Variants in SH3GL2 observed in about 807,000 individuals in gnomAD.
SH3GL2 encodes the protein SH3 domain containing GRB2 like 2, endophilin A1.
Under a neutral mutation model 46.0 loss-of-function variants are expected in SH3GL2, and 24 were observed. The observed-to-expected ratio is 0.52, with a 90% CI of 0.38 to 0.73. The LOEUF is 0.73. Among genes scored for constraint, SH3GL2 ranks in the 30% least tolerant of loss-of-function variants. The pLI is 0.00. For synonymous variants in SH3GL2, 196 were observed against 147.1 expected, an observed-to-expected ratio of 1.33 and a Z score of -2.40; for missense variants, 413 against 424.2, an observed-to-expected ratio of 0.97 and a Z score of 0.23.
At chr9:17,609,898 C>T (rs1458015476) in intron 1 of SH3GL2, among the ~76,000 whole-genome samples, 5 of 152,184 alleles carry the variant, frequency 3.3e-5, no homozygotes, top group Non-Finnish European at 7.3e-5. Context: ...CTCTCATAAT[C>T]ATTTTGCCAC....
intron 1 of SH3GL2, among the ~76,000 whole-genome samples, chr9:17,633,008 A>G (rs1819466611): frequency 6.6e-6 from 1 of 152,224 alleles, no homozygotes; most frequent in Admixed American, 6.5e-5. Flanking sequence ...GCCAGTATTA[A>G]TGAACTATCA....
chr9:17,738,641 T>TATAGAGAGAGAGAGAGAG (rs376280314), intron 1 of SH3GL2, among the ~76,000 whole-genome samples: 21 of 88,876 alleles, frequency 2.4e-4, no homozygotes, highest in Non-Finnish European at 4.0e-4. Context: ...TATATATATA[T>TATAGAGAGAGAGAGAGAG]AGAGAGAGAG....
intron 1 of SH3GL2, among the ~76,000 whole-genome samples, chr9:17,637,454 G>A (rs1819566865): frequency 6.6e-6 from 1 of 152,166 alleles, no homozygotes; most frequent in Admixed American, 6.5e-5. Flanking sequence ...TTTTATGTCT[G>A]TGTTCTTTAC....
At chr9:17,603,751 T>G (rs1310945467) in intron 1 of SH3GL2, among the ~76,000 whole-genome samples, 1 of 151,992 alleles carries the variant, frequency 6.6e-6, no homozygotes, top group African/African-American at 2.4e-5. Flanking sequence ...TCCCAGCTAC[T>G]CGGGAGGCTG....
chr9:17,611,085 CAG>C (rs1360755339), intron 1 of SH3GL2, among the ~76,000 whole-genome samples: 1 of 152,120 alleles, frequency 6.6e-6, no homozygotes, highest in Non-Finnish European at 1.5e-5. Flanking sequence ...TGTTTCATGA[CAG>C]ATGTAAAGAA....
chr9:17,670,149 T>G (rs777269545), intron 1 of SH3GL2, among the ~76,000 whole-genome samples: 9 of 152,250 alleles, frequency 5.9e-5, no homozygotes, highest in Non-Finnish European at 1.2e-4. Context: ...TCTTTCTTAC[T>G]GTGCATGTGC....
Position 17,671,381 on chromosome 9 carries a change from G to A in SH3GL2, c.46-75685G>A, listed in dbSNP as rs1456428433. On this transcript the variant is annotated intron_variant, in intron 1 of 8. Transcript: ENST00000380607. ...CAGAAAGTTACTGGAGATTAGGAAG[G>A]GTAGTGTGTGGCAGGGTGAGGGGAA... Among the ~76,000 whole-genome samples the A allele has an allele frequency of 2.0e-5, 3 of 152,048 alleles. No homozygotes were observed. In the South Asian group the frequency reaches 6.2e-4, roughly 32 times the overall value.
intron 1 of SH3GL2, among the ~76,000 whole-genome samples, chr9:17,640,603 G>A (rs1217736866): frequency 6.6e-6 from 1 of 152,150 alleles, no homozygotes; most frequent in Non-Finnish European, 1.5e-5. Flanking sequence ...TTGTGAAGAT[G>A]AACTGAGACC....
intron 3 of SH3GL2, 149 bp downstream of exon 3, chr9:17,761,658 A>G (rs1198898096): frequency 2.2e-5 from 16 of 734,734 alleles, no homozygotes; most frequent in Non-Finnish European, 3.7e-5. Context: ...TGGATAGCAC[A>G]TTTTAACTGG....
chr9:17,733,080 C>A (rs10963229), intron 1 of SH3GL2, among the ~76,000 whole-genome samples: 22,027 of 151,982 alleles, frequency 0.14, 2,003 homozygotes, highest in East Asian at 0.34. Context: ...GATATCTTCC[C>A]ATCAAATCAT....
intron 6 of SH3GL2, among the ~76,000 whole-genome samples, chr9:17,790,014 A>G (rs576125437): frequency 2.0e-5 from 3 of 152,300 alleles, no homozygotes; most frequent in South Asian, 2.1e-4. Flanking sequence ...GGATCTATGT[A>G]TAACTCAATA....
intron 4 of SH3GL2, 91 bp from the exon 5 acceptor site, chr9:17,787,289 A>G (rs575671159): frequency 3.0e-6 from 3 of 1,000,368 alleles, no homozygotes; most frequent in East Asian, 2.4e-5. Flanking sequence ...ACAAGTGGTA[A>G]TCCTTTGGGT....
At chr9:17,765,578 A>T (rs1487073900) in intron 3 of SH3GL2, among the ~76,000 whole-genome samples, 1 of 152,152 alleles carries the variant, frequency 6.6e-6, no homozygotes, top group African/African-American at 2.4e-5. Flanking sequence ...TTTAGGATTA[A>T]CTTTCATTTT....
At chr9:17,652,091 T>G (rs1458562577) in intron 1 of SH3GL2, among the ~76,000 whole-genome samples, 1 of 152,196 alleles carries the variant, frequency 6.6e-6, no homozygotes, top group East Asian at 1.9e-4. Context: ...TATTTTCTGC[T>G]TTCACATTTC....
At chr9:17,789,677 T>C in intron 6 of SH3GL2, 127 bp downstream of exon 6, 1 of 1,438,428 alleles carries the variant, frequency 7.0e-7, no homozygotes. Flanking sequence ...CAGTAGATAG[T>C]TATTTATTTT....
chr9:17,684,346 A>G (rs567290857), intron 1 of SH3GL2, among the ~76,000 whole-genome samples: 5 of 152,240 alleles, frequency 3.3e-5, no homozygotes, highest in South Asian at 2.1e-4. Context: ...AGTTAAAGAA[A>G]TAATCAGTAT....
intron 6 of SH3GL2, among the ~76,000 whole-genome samples, chr9:17,790,952 G>T (rs956889662): frequency 6.6e-6 from 1 of 152,124 alleles, no homozygotes; most frequent in Non-Finnish European, 1.5e-5. Context: ...CTAAGCATGA[G>T]ACTCTTTAGA....
At chr9:17,688,071 A>G (rs140858662) in intron 1 of SH3GL2, among the ~76,000 whole-genome samples, 166 of 152,140 alleles carry the variant, frequency 1.1e-3, no homozygotes, top group African/African-American at 3.7e-3. Context: ...GCTTTCACCT[A>G]AGTTCATCTT....
At chr9:17,672,870 C>G (rs1229966639) in intron 1 of SH3GL2, among the ~76,000 whole-genome samples, 1 of 152,198 alleles carries the variant, frequency 6.6e-6, no homozygotes, top group Non-Finnish European at 1.5e-5. Flanking sequence ...CAGCCTCATT[C>G]TGTTTCAGAA....
Sources: gnomAD v4.1 joint callset for allele counts (sites outside exome capture counted in the v4.1 genomes callset) on GRCh38, gnomAD v4.1.1 for gene constraint, MANE v1.5 for transcripts, NCBI Gene and HGNC (gene_info 2026-07-23, HGNC 2026-07-21) for gene names.